FAM184B: variants seen among roughly 807,000 people sequenced by gnomAD.
FAM184B encodes protein FAM184B.
A neutral mutation model predicts 135.9 loss-of-function variants in FAM184B; 111 were observed. The ratio of observed to expected loss-of-function variants is 0.82; its 90% confidence interval spans 0.70 to 0.96. The LOEUF is 0.96. Ranked by LOEUF, FAM184B falls within the 40% of genes least tolerant of loss-of-function variation. The pLI is 0.00. For missense variants in FAM184B, 1,375 were observed against 1,323.9 expected (o/e 1.04, Z -0.60); for synonymous variants, 552 against 524.8 (o/e 1.05, Z -0.71).
At chr4:17,663,255 G>C (rs1166214615) in intron 8 of FAM184B, among the ~76,000 whole-genome samples, 1 of 152,052 alleles carries the variant, frequency 6.6e-6, no homozygotes, top group African/African-American at 2.4e-5. Context: ...ATCTTTTTTA[G>C]GGAAGTGCTT....
chr4:17,765,687 A>G (rs1718657119), intron 1 of FAM184B, among the ~76,000 whole-genome samples: 1 of 152,324 alleles, frequency 6.6e-6, no homozygotes, highest in Middle Eastern at 3.4e-3. Context: ...TCTTGAAATT[A>G]TGTAATTTAA....
chr4:17,692,647 C>T (rs1339088459), intron 6 of FAM184B, among the ~76,000 whole-genome samples: 1 of 152,154 alleles, frequency 6.6e-6, no homozygotes, highest in East Asian at 1.9e-4. Context: ...GATGTACAGC[C>T]AGGGCTGAGG....
intron 1 of FAM184B, among the ~76,000 whole-genome samples, chr4:17,767,636 A>T (rs1195042030): frequency 6.6e-6 from 1 of 152,168 alleles, no homozygotes; most frequent in Non-Finnish European, 1.5e-5. Flanking sequence ...TTACACTTGG[A>T]TCAGGCTGGA....
At chr4:17,751,911 G>A (rs1370190475) in intron 1 of FAM184B, among the ~76,000 whole-genome samples, 1 of 149,934 alleles carries the variant, frequency 6.7e-6, no homozygotes, top group Non-Finnish European at 1.5e-5. Context: ...GGTGTGGCGG[G>A]ATGCAAACTC....
rs578127712 is a variant in FAM184B, at chr4:17,638,209, CAG to C, written c.2666+1039_2666+1040del. Among the ~76,000 whole-genome samples the C allele has an allele frequency of 1.6e-4, 22 of 134,816 alleles. 1 individual carries two copies. Among genetic ancestry groups the C allele is most frequent in the African/African-American group, 4.7e-4 (17 of 36,088 alleles). 88.4% of individuals were successfully genotyped at this position (134,816 alleles called of 152,430 possible). ...TGTTTTGTTTTGTTTTGTTTTGAGACAGAGTTTCTCTCTCTGTAGCCCAGGCT... is the reference window on the plus strand; with the variant it reads ...TGTTTTGTTTTGTTTTGTTTTGAGACAGTTTCTCTCTCTGTAGCCCAGGCT... On this transcript the variant is annotated intron_variant, in intron 14 of 17. Coordinates refer to ENST00000265018, the MANE Select transcript of FAM184B (RefSeq NM_015688.2).
chr4:17,734,724 CT>C (rs1325912751), intron 1 of FAM184B, among the ~76,000 whole-genome samples: 1 of 149,154 alleles, frequency 6.7e-6, no homozygotes, highest in Non-Finnish European at 1.5e-5. Context: ...CACTTTTACA[CT>C]GTTGGTGGGA....
chr4:17,747,264 C>A (rs1453921043), intron 1 of FAM184B, among the ~76,000 whole-genome samples: 2 of 151,940 alleles, frequency 1.3e-5, no homozygotes, highest in African/African-American at 4.8e-5. Flanking sequence ...CCCCAGGTGG[C>A]AATGTGGTAA....
intron 14 of FAM184B, among the ~76,000 whole-genome samples, 154 bp from the exon 15 acceptor site, chr4:17,636,799 A>G (rs1017508898): frequency 5.9e-5 from 9 of 152,112 alleles, no homozygotes; most frequent in Non-Finnish European, 1.2e-4. Context: ...CCCTGGGGAG[A>G]TGGCTTGCCG....
chr4:17,723,208 G>A (rs767771140), intron 1 of FAM184B, among the ~76,000 whole-genome samples: 3 of 152,196 alleles, frequency 2.0e-5, no homozygotes, highest in Non-Finnish European at 4.4e-5. Flanking sequence ...CATATTGAAT[G>A]CTCGTTCTAA....
intron 1 of FAM184B, among the ~76,000 whole-genome samples, chr4:17,732,472 C>A (rs562477543): frequency 6.6e-6 from 1 of 152,124 alleles, no homozygotes; most frequent in South Asian, 2.1e-4. Context: ...AGAGAAGAAT[C>A]AAATAGATGC....
rs1715835526 is a variant in FAM184B at position 17,658,556 on chromosome 4, G to A, written c.1831C>T (p.Gln611Ter). ...QKAKLQAQVSQMQQALEQCTS... is the reference protein window; with the variant it reads ...QKAKLQAQVS ...CACTGCTCCAGAGCCTGCTGCATCT[G>A]TGAGACCTGCGCACAAGGCATCCTG... Residue 611 changes from glutamine (Q) to a stop codon, truncating the protein, a stop_gained, in exon 10 of 18, where the codon CAG (glutamine) becomes TAG (stop). Transcript: ENST00000265018. LOFTEE classifies it high-confidence loss of function. 6.4e-7 allele frequency: 1 copy of A among 1,550,686 alleles called. No homozygotes were observed. The highest frequency in any genetic ancestry group is 1.4e-5 in the African/African-American group (1 of 73,062).
Position 17,665,765 on chromosome 4 carries a change from A to G in FAM184B, c.1597-1106T>C, listed in dbSNP as rs1034899240. Among the ~76,000 whole-genome samples, 9 of 152,302 alleles carry G rather than the reference A, an allele frequency of 5.9e-5. No homozygotes were observed. The East Asian group carries it at 7.7e-4, about 13-fold the overall frequency. ...TAAAAGGCCATCAATGTCAAGACCA[A>G]TGAAGACCTCCACATTGCCAAATCC... On this transcript the variant is annotated intron_variant, in intron 7 of 17. Transcript: ENST00000265018.
chr4:17,742,162 A>T (rs2315568), intron 1 of FAM184B, among the ~76,000 whole-genome samples: 10 of 3,280 alleles, frequency 3.0e-3, no homozygotes, highest in Non-Finnish European at 0.011. Flanking sequence ...ATATATATAT[A>T]TATATATTTT....
Position 17,635,035 on chromosome 4 carries a change from G to A in FAM184B, c.2863C>T (p.Pro955Ser). ...TTCATGGAAGGGGTCAAATATCCCG[G>A]GTGAGGATTGAAAGAGAAAGACCGA... ...RNRSFSFNPHPGYLTPSMKKK... is the reference protein window; with the variant it reads ...RNRSFSFNPHSGYLTPSMKKK... The change falls in exon 16 of 18, where the codon CCG becomes TCG. Residue 955 changes from proline to serine, a missense_variant. By Grantham distance (74) the Pro-to-Ser change is moderately conservative. Coordinates refer to ENST00000265018, the MANE Select transcript of FAM184B (RefSeq NM_015688.2). 1 of 1,551,772 alleles carries A rather than the reference G, an allele frequency of 6.4e-7. No individual in the cohort carries two copies. The highest frequency in any genetic ancestry group is 8.7e-7 in the Non-Finnish European group (1 of 1,146,898).
Position 17,760,821 on chromosome 4 carries a change from C to T in FAM184B, c.141+20338G>A, listed in dbSNP as rs149293878. Among the ~76,000 whole-genome samples the T allele has an allele frequency of 4.3e-3, 659 of 152,248 alleles. 16 individuals are homozygous for T. The highest frequency in any genetic ancestry group is 2.3e-3 in the East Asian group (12 of 5,166). On this transcript the variant is annotated intron_variant, in intron 1 of 17. Coordinates refer to ENST00000265018, the MANE Select transcript of FAM184B (RefSeq NM_015688.2). ...TTGCATAAAAGCCTGTTGCGTTTCT[C>T]GGAAGAAATGCCCTTTCTCCAAGGC...
intron 3 of FAM184B, among the ~76,000 whole-genome samples, chr4:17,707,008 G>A (rs935134485): frequency 4.9e-4 from 75 of 152,038 alleles, no homozygotes; most frequent in Non-Finnish European, 1.6e-4. Context: ...GGCTGGTCTC[G>A]AACTCCTGAT....
intron 5 of FAM184B, among the ~76,000 whole-genome samples, chr4:17,694,165 C>T (rs1307403491): frequency 6.6e-6 from 1 of 152,126 alleles, no homozygotes; most frequent in Non-Finnish European, 1.5e-5. Flanking sequence ...CACTGTGCTA[C>T]TCACTTGCTC....
intron 12 of FAM184B, 102 bp from the exon 13 acceptor site, chr4:17,642,330 C>T: frequency 1.5e-6 from 2 of 1,377,136 alleles, no homozygotes; most frequent in East Asian, 3.0e-5. Context: ...CCACTGGCAC[C>T]CCGCCCAGGC....
intron 14 of FAM184B, 83 bp downstream of exon 14, chr4:17,639,167 T>G: frequency 7.3e-7 from 1 of 1,370,856 alleles, no homozygotes; most frequent in Non-Finnish European, 1.0e-6. Context: ...AACCAGGAAA[T>G]CCCAGGGTCA....
Sources: allele counts gnomAD v4.1 joint callset (sites outside exome capture counted in the v4.1 genomes callset), GRCh38; gene constraint gnomAD v4.1.1; transcripts MANE v1.5; gene names NCBI Gene and HGNC (gene_info 2026-07-23, HGNC 2026-07-21).